The following CNTNAP2 variants were observed in gnomAD, a reference collection of about 807,000 sequenced individuals.
The protein encoded by CNTNAP2 is contactin-associated protein-like 2.
Under a neutral mutation model 155.2 loss-of-function variants are expected in CNTNAP2, and 98 were observed. The ratio of observed to expected loss-of-function variants is 0.63; its 90% CI spans 0.54 to 0.75. The LOEUF is 0.75. Among genes scored for constraint, CNTNAP2 ranks in the 30% least tolerant of loss-of-function variants. CNTNAP2 has a pLI of 0.00. For missense variants in CNTNAP2, 1,727 were observed against 1,688.1 expected (o/e 1.02, Z -0.40); for synonymous variants, 651 against 631.2 (o/e 1.03, Z -0.47).
chr7:146,342,169 A>C (rs148234362), intron 1 of CNTNAP2, among the ~76,000 whole-genome samples: 1 of 152,246 alleles, frequency 6.6e-6, no homozygotes, highest in East Asian at 1.9e-4. Context: ...TTGGAGAATG[A>C]GTGTTCCTGT....
At chr7:147,679,060 G>T (rs1330893562) in intron 13 of CNTNAP2, among the ~76,000 whole-genome samples, 1 of 151,776 alleles carries the variant, frequency 6.6e-6, no homozygotes, top group African/African-American at 2.4e-5. Flanking sequence ...GAAATCTGTG[G>T]TATGTTTATT....
chr7:147,403,836 T>C (rs1173011099), intron 10 of CNTNAP2, among the ~76,000 whole-genome samples: 1 of 152,144 alleles, frequency 6.6e-6, no homozygotes, highest in Non-Finnish European at 1.5e-5. Flanking sequence ...AAAAAAATTT[T>C]ATTAGTGTTT....
chr7:147,939,203 T>A (rs1034872004), intron 14 of CNTNAP2, among the ~76,000 whole-genome samples: 33 of 152,074 alleles, frequency 2.2e-4, no homozygotes, highest in African/African-American at 6.5e-4. Flanking sequence ...ACCTAAAAAA[T>A]AGGGAAGAGG....
chr7:147,807,869 G>A (rs1798116998), intron 13 of CNTNAP2, among the ~76,000 whole-genome samples: 3 of 152,022 alleles, frequency 2.0e-5, no homozygotes, highest in South Asian at 4.2e-4. Context: ...AGATAGTTTG[G>A]GTTGCCAGAT....
chr7:147,998,027 G>T (rs572103494), intron 15 of CNTNAP2, among the ~76,000 whole-genome samples: 1 of 151,776 alleles, frequency 6.6e-6, no homozygotes, highest in Admixed American at 6.6e-5. Flanking sequence ...ATTACCAAGC[G>T]AATGCTGGGG....
At chr7:147,737,179 G>A (rs1296541227) in intron 13 of CNTNAP2, among the ~76,000 whole-genome samples, 1 of 152,108 alleles carries the variant, frequency 6.6e-6, no homozygotes, top group Non-Finnish European at 1.5e-5. Context: ...GTTTGATGAT[G>A]GTGACGTACA....
intron 1 of CNTNAP2, among the ~76,000 whole-genome samples, chr7:146,168,849 A>C (rs2116814872): frequency 6.6e-6 from 1 of 152,168 alleles, no homozygotes; most frequent in Middle Eastern, 3.4e-3. Context: ...TCTGCTCAAA[A>C]CCCTGAAATG....
chr7:146,586,868 G>A (rs1365207898), intron 1 of CNTNAP2, among the ~76,000 whole-genome samples: 1 of 152,142 alleles, frequency 6.6e-6, no homozygotes, highest in Admixed American at 6.6e-5. Flanking sequence ...TTGCCAGCAA[G>A]AGCACAGTCT....
intron 8 of CNTNAP2, among the ~76,000 whole-genome samples, chr7:147,237,997 T>A (rs1803850197): frequency 6.6e-6 from 1 of 152,196 alleles, no homozygotes. Flanking sequence ...AATTTCAATT[T>A]TGAATTTCAA....
intron 21 of CNTNAP2, among the ~76,000 whole-genome samples, chr7:148,308,880 T>C (rs1351305585): frequency 6.6e-6 from 1 of 152,164 alleles, no homozygotes; most frequent in African/African-American, 2.4e-5. Flanking sequence ...TCCAGCTTCA[T>C]CCAAGTCCCT....
At chr7:147,783,796 C>G (rs569029872) in intron 13 of CNTNAP2, among the ~76,000 whole-genome samples, 10 of 152,252 alleles carry the variant, frequency 6.6e-5, no homozygotes, top group Non-Finnish European at 1.5e-4. Flanking sequence ...AAAGACACAG[C>G]AAGAAGGCTG....
In CNTNAP2 at chr7:146,829,934, C is replaced by T. The variant is rs78459399; in HGVS notation, c.209-9777C>T. ...TAGCTTATAATTTTTCTTTTGTGGACTACCTGTTAAAGTCTTTTACCCATT... is the reference window on the plus strand; with the variant it reads ...TAGCTTATAATTTTTCTTTTGTGGATTACCTGTTAAAGTCTTTTACCCATT... On this transcript the variant is annotated intron_variant, in intron 2 of 23. Coordinates refer to ENST00000361727, the MANE Select transcript of CNTNAP2 (RefSeq NM_014141.6). Among the ~76,000 whole-genome samples the T allele has an allele frequency of 8.6e-3, 1,303 of 152,050 alleles. 19 individuals are homozygous for T. The highest frequency in any genetic ancestry group is 0.028 in the African/African-American group (1,172 of 41,514).
intron 1 of CNTNAP2, among the ~76,000 whole-genome samples, chr7:146,307,866 C>T (rs893077947): frequency 2.0e-5 from 3 of 147,372 alleles, no homozygotes; most frequent in African/African-American, 8.1e-5. Flanking sequence ...AGACCTAAAA[C>T]CATAAAAACC....
intron 12 of CNTNAP2, among the ~76,000 whole-genome samples, chr7:147,579,792 TATATCATAATGCA>T (rs1800464583): frequency 6.6e-6 from 1 of 152,184 alleles, no homozygotes; most frequent in Non-Finnish European, 1.5e-5. Flanking sequence ...ATTGTTTAGA[TATATCATAATGCA>T]ATATCATATG....
At chr7:146,256,328 A>G (rs1435098004) in intron 1 of CNTNAP2, among the ~76,000 whole-genome samples, 1 of 152,198 alleles carries the variant, frequency 6.6e-6, no homozygotes, top group African/African-American at 2.4e-5. Context: ...ATATAATAAA[A>G]TGTTAGGAAA....
Position 147,327,651 on chromosome 7 carries a change from AT to A in CNTNAP2, c.1498+27367del, listed in dbSNP as rs1795484838. Among the ~76,000 whole-genome samples the A allele has an allele frequency of 2.0e-5, 3 of 152,172 alleles. No homozygotes were observed. The South Asian group carries it at 6.2e-4, about 32-fold the overall frequency. ...AATTTTGCAATTATGAATGTGCATT[AT>A]TTTTTCTCATGTTGACTTTCCTCAT... On this transcript the variant is annotated intron_variant, in intron 9 of 23. Coordinates refer to ENST00000361727, the MANE Select transcript of CNTNAP2 (RefSeq NM_014141.6).
chr7:147,740,462 G>T (rs1796938984), intron 13 of CNTNAP2, among the ~76,000 whole-genome samples: 1 of 152,166 alleles, frequency 6.6e-6, no homozygotes. Context: ...CTTGGTGCGA[G>T]AAATTACCTC....
At chr7:146,586,385 C>T (rs1017796779) in intron 1 of CNTNAP2, among the ~76,000 whole-genome samples, 1 of 151,902 alleles carries the variant, frequency 6.6e-6, no homozygotes, top group South Asian at 2.1e-4. Context: ...AATTACAAAC[C>T]CCACCAAAAT....
At chr7:146,758,065 C>T (rs1337417274) in intron 1 of CNTNAP2, among the ~76,000 whole-genome samples, 3 of 152,154 alleles carry the variant, frequency 2.0e-5, no homozygotes, top group Admixed American at 6.5e-5. Flanking sequence ...TCTGTAATAT[C>T]TCCATTCAGA....
Sources: gnomAD v4.1 joint callset for allele counts (sites outside exome capture counted in the v4.1 genomes callset) on GRCh38, gnomAD v4.1.1 for gene constraint, MANE v1.5 for transcripts, NCBI Gene and HGNC (gene_info 2026-07-23, HGNC 2026-07-21) for gene names.